The following GANC variants were observed in gnomAD, a reference collection of about 807,000 sequenced individuals.
The protein encoded by GANC is glucosidase alpha, neutral C, also known as neutral alpha-glucosidase C.
GANC carries 117 observed loss-of-function variants against 124.2 expected under a neutral mutation model. The observed-to-expected ratio is 0.94, with a 90% CI of 0.81 to 1.10. The LOEUF (loss-of-function observed/expected upper bound fraction) is 1.10. GANC is among the 50% of genes least tolerant of loss of function. GANC has a pLI of 0.00. For synonymous variants in GANC, 377 were observed against 376.8 expected, an observed-to-expected ratio of 1.00 and a Z score of -0.01; for missense variants, 1,140 against 1,095.0, an observed-to-expected ratio of 1.04 and a Z score of -0.58.
intron 15 of GANC, among the ~76,000 whole-genome samples, chr15:42,336,320 A>T (rs1005788865): frequency 1.2e-4 from 19 of 152,290 alleles, no homozygotes; most frequent in African/African-American, 4.3e-4. Context: ...GGGCCCAGAA[A>T]TAAGGTTGCA....
At chr15:42,312,386 A>T (rs2052059583) in intron 10 of GANC, among the ~76,000 whole-genome samples, 1 of 152,188 alleles carries the variant, frequency 6.6e-6, no homozygotes, top group African/African-American at 2.4e-5. Flanking sequence ...AATGAGTCTC[A>T]TGAGATGTGA....
intron 12 of GANC, 151 bp downstream of exon 12, chr15:42,326,575 T>C: frequency 8.4e-7 from 1 of 1,196,340 alleles, no homozygotes; most frequent in Non-Finnish European, 1.2e-6. Flanking sequence ...AGGTTTGCCT[T>C]CTTTTGTATC....
At chr15:42,350,006 A>G (rs1423604203) in intron 22 of GANC, among the ~76,000 whole-genome samples, 2 of 124,204 alleles carry the variant, frequency 1.6e-5, no homozygotes, top group South Asian at 5.1e-4. Context: ...TATTGTCTTC[A>G]CCTTTCTTTC....
In GANC at chr15:42,345,799, G is replaced by A; in HGVS notation, c.2271G>A (p.Gly757=). 6.2e-7 allele frequency: 1 copy of A among 1,612,398 alleles called. No individual in the cohort carries two copies. Residue 757 remains glycine, a synonymous_variant, in exon 20 of 24, where the codon GGG becomes GGA. Transcript: ENST00000318010. ...DYKTFAHWEG[G]CTVKIPVALD... is the part of the protein sequence containing the mutation. Reference sequence around the variant, plus strand: ...AGACATTTGCTCATTGGGAAGGAGGGTGTACTGTAAAGATCCCAGTAGCCT... The same window carrying A: ...AGACATTTGCTCATTGGGAAGGAGGATGTACTGTAAAGATCCCAGTAGCCT...
chr15:42,289,140 G>A (rs2899044), intron 4 of GANC, among the ~76,000 whole-genome samples: 146,510 of 152,298 alleles, frequency 0.96, 70,669 homozygotes, highest in Non-Finnish European at 1. Context: ...TAAAAACTAC[G>A]TTTCTTCATT....
intron 19 of GANC, 89 bp downstream of exon 19, chr15:42,343,243 T>TCACAAACACA: frequency 1.8e-6 from 2 of 1,120,366 alleles, no homozygotes; most frequent in Non-Finnish European, 2.7e-6. Context: ...CATCATGTGT[T>TCACAAACACA]TGTGAACACA....
chr15:42,318,142 C>G (rs922222691), intron 10 of GANC, among the ~76,000 whole-genome samples: 1 of 152,236 alleles, frequency 6.6e-6, no homozygotes, highest in Non-Finnish European at 1.5e-5. Context: ...CCATTGTTCT[C>G]TAGGTTCCCT....
At chr15:42,308,898 T>C (rs898733597) in intron 8 of GANC, among the ~76,000 whole-genome samples, 6 of 152,206 alleles carry the variant, frequency 3.9e-5, no homozygotes, top group African/African-American at 1.4e-4. Context: ...GTGATCAGAA[T>C]AGAGGGAAGA....
chr15:42,351,843 C>T (rs368640344), intron 23 of GANC, among the ~76,000 whole-genome samples, 187 bp from the exon 24 acceptor site: 2 of 152,114 alleles, frequency 1.3e-5, no homozygotes, highest in Non-Finnish European at 2.9e-5. Context: ...ACCAATCTTG[C>T]GGTCAAAACA....
intron 1 of GANC, among the ~76,000 whole-genome samples, chr15:42,275,267 A>G (rs377344501): frequency 2.8e-4 from 42 of 152,252 alleles, no homozygotes; most frequent in East Asian, 2.5e-3. Flanking sequence ...CCAGCTACTC[A>G]GGAGGCTGAG....
intron 6 of GANC, among the ~76,000 whole-genome samples, chr15:42,303,622 A>G (rs1221391787): frequency 6.6e-6 from 1 of 151,384 alleles, no homozygotes; most frequent in East Asian, 1.9e-4. Flanking sequence ...TCTCACGTGC[A>G]GAGACACCCA....
chr15:42,283,644 C>A, intron 3 of GANC: 1 of 702,542 alleles, frequency 1.4e-6, no homozygotes, highest in Non-Finnish European at 2.6e-6. Context: ...GACAACACTT[C>A]CAGCAGCTTC....
intron 13 of GANC, 24 bp downstream of exon 13, chr15:42,327,466 T>C (rs1486744943): frequency 2.0e-6 from 3 of 1,532,290 alleles, no homozygotes; most frequent in African/African-American, 2.7e-5. Context: ...CCTTTGTTCT[T>C]TTCTAGTTAC....
chr15:42,280,810 A>C, intron 3 of GANC: 1 of 619,776 alleles, frequency 1.6e-6, no homozygotes, highest in Non-Finnish European at 2.9e-6. Context: ...AATTCTCAAC[A>C]CAGCGTGATA....
chr15:42,317,140 A>G (rs1396517713), intron 10 of GANC, among the ~76,000 whole-genome samples: 1 of 152,194 alleles, frequency 6.6e-6, no homozygotes, highest in African/African-American at 2.4e-5. Context: ...TCGCCCACAC[A>G]TGATAGCCAA....
Position 42,326,481 on chromosome 15 carries a change from GGC to G in GANC, c.1420+58_1420+59del, listed in dbSNP as rs1305243956. ...CACATGTTCTGTCCCAATTAATGAA[GGC>G]TGCGTGGTCATCATTCTGCTCCCTT... On this transcript the variant is annotated intron_variant, in intron 12 of 23. Coordinates refer to ENST00000318010, the MANE Select transcript of GANC (RefSeq NM_198141.3). The G allele has an allele frequency of 2.5e-6, 4 of 1,608,874 alleles. No individual in the cohort carries two copies. The African/African-American group carries it at 5.4e-5, about 22-fold the overall frequency.
intron 10 of GANC, among the ~76,000 whole-genome samples, chr15:42,313,338 C>T (rs1292943143): frequency 6.6e-6 from 1 of 152,148 alleles, no homozygotes; most frequent in Non-Finnish European, 1.5e-5. Flanking sequence ...GCAGTGGATT[C>T]TTAGATATGA....
At chr15:42,291,643 T>C (rs903875799) in intron 4 of GANC, among the ~76,000 whole-genome samples, 1 of 152,128 alleles carries the variant, frequency 6.6e-6, no homozygotes, top group Non-Finnish European at 1.5e-5. Context: ...CTGATTTCAG[T>C]GGAGATAATG....
rs778546637 is a variant in GANC, at chr15:42,310,268, A to G, written c.723-15A>G. 3.5e-5 allele frequency: 55 copies of G among 1,557,400 alleles called. No homozygotes were observed. The highest frequency in any genetic ancestry group is 4.5e-5 in the Non-Finnish European group (51 of 1,144,788). ...ATATTTGTGATGGTAATTGATGATA[A>G]TCTTTGTGTTTCAGTGATGGAGATG... is the stretch of plus-strand genomic sequence containing the variant. On this transcript the variant is annotated splice_polypyrimidine_tract_variant and intron_variant, in intron 8 of 23. Transcript: ENST00000318010.
Sources: allele counts gnomAD v4.1 joint callset (sites outside exome capture counted in the v4.1 genomes callset), GRCh38; gene constraint gnomAD v4.1.1; transcripts MANE v1.5; gene names NCBI Gene and HGNC (gene_info 2026-07-23, HGNC 2026-07-21).